MITD1: variants seen among roughly 807,000 people sequenced by gnomAD.
MITD1 encodes the protein MIT domain-containing protein 1.
A neutral mutation model predicts 34.9 loss-of-function variants in MITD1; 24 were observed. That is an observed-to-expected ratio of 0.69 (90% CI 0.50 to 0.97). MITD1 has a LOEUF of 0.97. MITD1 is among the 50% of genes least tolerant of loss of function. The pLI, the probability that MITD1 is intolerant of heterozygous loss-of-function variation, is 0.00. For synonymous variants in MITD1, 102 were observed against 101.4 expected (o/e 1.01, Z -0.04); for missense variants, 266 against 294.6 (o/e 0.90, Z 0.71).
chr2:99,162,134 C>T (rs1372263806), exon 8 of MITD1: 2 of 1,614,008 alleles, frequency 1.2e-6, no homozygotes, highest in Non-Finnish European at 1.7e-6. Flanking sequence ...ATCTAGAAGG[C>T]AAACCAATTC....
At chr2:99,176,057 C>T (rs537237659) in intron 1 of MITD1, among the ~76,000 whole-genome samples, 1 of 152,282 alleles carries the variant, frequency 6.6e-6, no homozygotes, top group African/African-American at 2.4e-5. Context: ...CCTCCCACCT[C>T]AGCCTCCCAA....
intron 7 of MITD1, chr2:99,162,810 T>C (rs771711052): frequency 1.9e-6 from 3 of 1,614,102 alleles, no homozygotes; most frequent in Admixed American, 3.3e-5. Flanking sequence ...AAATACTTCC[T>C]TTCATGTGTT....
At chr2:99,165,372 TC>T (rs2093822976), downstream of MITD1, among the ~76,000 whole-genome samples, 1 of 152,076 alleles carries the variant, frequency 6.6e-6, no homozygotes, top group Non-Finnish European at 1.5e-5. Context: ...TGGCCTTTAC[TC>T]CTAGATTTCT....
chr2:99,179,296 A>C (rs1380794617), intron 1 of MITD1, among the ~76,000 whole-genome samples: 6 of 152,206 alleles, frequency 3.9e-5, no homozygotes. Context: ...TCAGTATACC[A>C]GAGTCGTTGG....
rs886196889 is a variant in MITD1 at position 99,178,049 on chromosome 2, C to G, written c.151+2782G>C. Among the ~76,000 whole-genome samples the G allele has an allele frequency of 4.6e-5, 7 of 152,176 alleles. 1 individual carries two copies. Among genetic ancestry groups the G allele is most frequent in the Admixed American group, 4.6e-4 (7 of 15,284 alleles). Reference sequence around the variant, plus strand: ...TCATTTTTTATGGCTGAACAGTACTCTACTGTATATATGTGCCATATTTTC... The same window carrying G: ...TCATTTTTTATGGCTGAACAGTACTGTACTGTATATATGTGCCATATTTTC... On this transcript the variant is annotated intron_variant, in intron 1 of 6. Coordinates refer to ENST00000289359, the MANE Select transcript of MITD1 (RefSeq NM_138798.3).
downstream of MITD1, among the ~76,000 whole-genome samples, chr2:99,167,967 C>T (rs981005015): frequency 6.6e-5 from 10 of 152,168 alleles, no homozygotes; most frequent in Non-Finnish European, 1.5e-4. Context: ...CAAGGCTTGC[C>T]CAAGACCACT....
At chr2:99,165,419 T>G (rs1201439845), downstream of MITD1, among the ~76,000 whole-genome samples, 3 of 151,722 alleles carry the variant, frequency 2.0e-5, no homozygotes, top group Admixed American at 1.3e-4. Context: ...ACATGGGGAG[T>G]AGGGCAGTGT....
chr2:99,174,691 A>G (rs2093877341), intron 1 of MITD1, among the ~76,000 whole-genome samples: 1 of 152,186 alleles, frequency 6.6e-6, no homozygotes, highest in African/African-American at 2.4e-5. Flanking sequence ...CCCGGGTTCA[A>G]GCAATTCTCC....
chr2:99,162,813 C>A, intron 7 of MITD1: 5 of 1,614,026 alleles, frequency 3.1e-6, no homozygotes, highest in Non-Finnish European at 4.2e-6. Flanking sequence ...TACTTCCTTT[C>A]ATGTGTTATA....
At chr2:99,175,413 A>G (rs2093881597) in intron 1 of MITD1, among the ~76,000 whole-genome samples, 1 of 152,202 alleles carries the variant, frequency 6.6e-6, no homozygotes, top group Non-Finnish European at 1.5e-5. Flanking sequence ...CTCATTTTGG[A>G]CAGTCTGATG....
At chr2:99,173,707 C>A in intron 2 of MITD1, 1 of 583,696 alleles carries the variant, frequency 1.7e-6, no homozygotes, top group East Asian at 3.0e-5. Flanking sequence ...TTCCCACCCC[C>A]AACTAAAAAC....
chr2:99,162,821 A>C, intron 7 of MITD1: 2 of 1,614,048 alleles, frequency 1.2e-6, no homozygotes, highest in Non-Finnish European at 1.7e-6. Flanking sequence ...TTCATGTGTT[A>C]TATGAACAGT....
downstream of MITD1, among the ~76,000 whole-genome samples, chr2:99,167,576 A>G (rs1248022064): frequency 6.6e-6 from 1 of 152,194 alleles, no homozygotes; most frequent in Non-Finnish European, 1.5e-5. Context: ...CTCCATAGTA[A>G]CGATTCATAT....
intron 1 of MITD1, among the ~76,000 whole-genome samples, chr2:99,176,021 A>G (rs1480396689): frequency 6.6e-6 from 1 of 151,942 alleles, no homozygotes; most frequent in Non-Finnish European, 1.5e-5. Flanking sequence ...GCTCACTGCA[A>G]CCTCTGCCTC....
intron 1 of MITD1, among the ~76,000 whole-genome samples, chr2:99,179,148 T>C (rs1574837552): frequency 6.6e-6 from 1 of 152,218 alleles, no homozygotes; most frequent in African/African-American, 2.4e-5. Context: ...TGTGACATCA[T>C]TGTCTCTGTA....
intron 2 of MITD1, 174 bp downstream of exon 2, chr2:99,173,741 C>A (rs1337869926): frequency 6.3e-6 from 4 of 631,264 alleles, no homozygotes; most frequent in South Asian, 1.8e-5. Flanking sequence ...AACAAACAAA[C>A]AAAAAATTAA....
downstream of MITD1, among the ~76,000 whole-genome samples, chr2:99,166,274 G>A (rs1253074274): frequency 2.0e-5 from 3 of 151,950 alleles, no homozygotes; most frequent in Non-Finnish European, 4.4e-5. Context: ...GAGGAAGAGA[G>A]TGTGTTTCAT....
At chr2:99,176,946 G>C (rs951229703) in intron 1 of MITD1, among the ~76,000 whole-genome samples, 8 of 152,014 alleles carry the variant, frequency 5.3e-5, no homozygotes, top group Non-Finnish European at 1.0e-4. Context: ...ACTACTTCTA[G>C]ACCCTCTCAG....
chr2:99,170,802 TG>T, intron 4 of MITD1, 150 bp from the exon 5 acceptor site: 2 of 446,294 alleles, frequency 4.5e-6, no homozygotes, highest in Non-Finnish European at 8.1e-6. Context: ...ACAACCAATG[TG>T]AGGTAGTTTA....
Sources: allele counts gnomAD v4.1 joint callset (sites outside exome capture counted in the v4.1 genomes callset), GRCh38; gene constraint gnomAD v4.1.1; transcripts MANE v1.5; gene names NCBI Gene and HGNC (gene_info 2026-07-23, HGNC 2026-07-21).